ANTXR1: variants seen among roughly 807,000 people sequenced by gnomAD.
ANTXR1 encodes anthrax toxin receptor 1.
ANTXR1 carries 19 observed loss-of-function variants against 78.1 expected under a neutral mutation model. That is an observed-to-expected ratio of 0.24 (90% confidence interval 0.17 to 0.36). The LOEUF is 0.36. Ranked by LOEUF, ANTXR1 falls within the 10% of genes least tolerant of loss-of-function variation. The pLI is 1.00. For missense variants in ANTXR1, 518 were observed against 718.6 expected, an observed-to-expected ratio of 0.72 and a Z score of 3.19; for synonymous variants, 273 against 260.5, an observed-to-expected ratio of 1.05 and a Z score of -0.46.
In ANTXR1 at chr2:69,116,770, C is replaced by T. The variant is rs920965990; in HGVS notation, c.803-6247C>T. 1.3e-5 allele frequency among the ~76,000 whole-genome samples: 2 copies of T among 152,294 alleles called. 1 individual carries two copies. The highest frequency in any genetic ancestry group is 6.8e-3 in the Middle Eastern group (2 of 294). Reference sequence around the variant, plus strand: ...TAAGACTAGGGATTATTTTTCTCTTCCTATTTGCCAGAAATAAATATTTAT... The same window carrying T: ...TAAGACTAGGGATTATTTTTCTCTTTCTATTTGCCAGAAATAAATATTTAT... On this transcript the variant is annotated intron_variant, in intron 10 of 17. Transcript: ENST00000303714.
chr2:69,190,699 G>A (rs1251266330), intron 16 of ANTXR1, among the ~76,000 whole-genome samples: 2 of 152,194 alleles, frequency 1.3e-5, no homozygotes, highest in African/African-American at 4.8e-5. Flanking sequence ...ACTGGGGCAG[G>A]CTGGCTTCAG....
At chr2:69,219,557 T>C (rs1338029307) in intron 17 of ANTXR1, among the ~76,000 whole-genome samples, 1 of 152,198 alleles carries the variant, frequency 6.6e-6, no homozygotes, top group Non-Finnish European at 1.5e-5. Flanking sequence ...TCTTACTGAG[T>C]TGTATTGAGT....
At chr2:69,092,383 T>C (rs1229828209) in intron 9 of ANTXR1, among the ~76,000 whole-genome samples, 3 of 152,226 alleles carry the variant, frequency 2.0e-5, no homozygotes, top group Non-Finnish European at 4.4e-5. Context: ...CAAGTATATA[T>C]GTAAAGATAT....
chr2:69,242,750 C>A (rs1047840921), intron 17 of ANTXR1, among the ~76,000 whole-genome samples: 1 of 152,172 alleles, frequency 6.6e-6, no homozygotes, highest in Non-Finnish European at 1.5e-5. Flanking sequence ...TCTAAATTGT[C>A]GTCATGGGAA....
At chr2:69,045,396 G>A (rs1669733803) in intron 3 of ANTXR1, among the ~76,000 whole-genome samples, 3 of 152,178 alleles carry the variant, frequency 2.0e-5, no homozygotes, top group Admixed American at 2.0e-4. Context: ...ATGAAAACTA[G>A]CAATAACAGA....
chr2:69,224,231 G>A (rs1365638599), intron 17 of ANTXR1, among the ~76,000 whole-genome samples: 6 of 152,152 alleles, frequency 3.9e-5, no homozygotes, highest in Non-Finnish European at 5.9e-5. Context: ...CTCATCAATC[G>A]TCAGATTGTG....
chr2:69,025,097 G>A (rs1671303107), intron 1 of ANTXR1, among the ~76,000 whole-genome samples: 1 of 151,914 alleles, frequency 6.6e-6, no homozygotes, highest in South Asian at 2.1e-4. Flanking sequence ...ACTAACCCAT[G>A]CCCTCTCTTG....
At chr2:69,129,908 T>A (rs1263876532) in intron 12 of ANTXR1, among the ~76,000 whole-genome samples, 1 of 152,146 alleles carries the variant, frequency 6.6e-6, no homozygotes, top group African/African-American at 2.4e-5. Context: ...TGAAACGTAG[T>A]AATTACAGGT....
At chr2:69,071,331 C>T (rs1229042999) in intron 4 of ANTXR1, among the ~76,000 whole-genome samples, 3 of 152,190 alleles carry the variant, frequency 2.0e-5, no homozygotes, top group African/African-American at 4.8e-5. Context: ...GCCTATTGCT[C>T]CTAGGCTATA....
chr2:69,047,641 G>C (rs558581411), intron 3 of ANTXR1, among the ~76,000 whole-genome samples: 46 of 152,054 alleles, frequency 3.0e-4, no homozygotes, highest in South Asian at 2.1e-3. Flanking sequence ...ACTTGAGTTG[G>C]GGGGGGAAAT....
At chr2:69,123,507 C>T (rs1310079845) in intron 11 of ANTXR1, among the ~76,000 whole-genome samples, 1 of 152,216 alleles carries the variant, frequency 6.6e-6, no homozygotes, top group East Asian at 1.9e-4. Context: ...TTATCTCCTC[C>T]TTAGAGAAAG....
At chr2:69,072,418 T>C (rs577345794) in intron 5 of ANTXR1, among the ~76,000 whole-genome samples, 201 of 152,324 alleles carry the variant, frequency 1.3e-3, no homozygotes, top group Non-Finnish European at 2.3e-3. Flanking sequence ...ATTTCTTGTT[T>C]CATCCTAAAC....
rs201031541 is a variant in ANTXR1, at chr2:69,032,380, AC to A, written c.153-7657del. On this transcript the variant is annotated intron_variant, in intron 1 of 17. Coordinates refer to ENST00000303714, the MANE Select transcript of ANTXR1 (RefSeq NM_032208.3). Reference sequence around the variant, plus strand: ...GTTTGTCTTTCCCTCCTCTCTACCCACCCCCCCAAAATTTCCAACAATGGAC... The same window carrying A: ...GTTTGTCTTTCCCTCCTCTCTACCCACCCCCCAAAATTTCCAACAATGGAC... Among the ~76,000 whole-genome samples, 1,269 of 149,992 alleles carry A rather than the reference AC, an allele frequency of 8.5e-3. 5 individuals carry two copies. The highest frequency in any genetic ancestry group is 0.012 in the Non-Finnish European group (818 of 67,426).
intron 17 of ANTXR1, among the ~76,000 whole-genome samples, chr2:69,209,015 G>A (rs1262142830): frequency 1.3e-5 from 2 of 152,126 alleles, no homozygotes; most frequent in South Asian, 4.1e-4. Flanking sequence ...TGATCCTCCT[G>A]CCTCAGCCTC....
chr2:69,023,148 G>C (rs142034744), intron 1 of ANTXR1, among the ~76,000 whole-genome samples: 1 of 152,170 alleles, frequency 6.6e-6, no homozygotes, highest in Admixed American at 6.5e-5. Flanking sequence ...TAGCCTCTCC[G>C]AACTTCAGTA....
intron 9 of ANTXR1, among the ~76,000 whole-genome samples, chr2:69,094,206 C>A (rs911715173): frequency 1.3e-5 from 2 of 152,136 alleles, no homozygotes; most frequent in Non-Finnish European, 2.9e-5. Context: ...TAAGTATTTA[C>A]GTGAAAGTGC....
chr2:69,103,029 A>C, intron 10 of ANTXR1, 89 bp downstream of exon 10: 1 of 1,268,818 alleles, frequency 7.9e-7, no homozygotes, highest in Non-Finnish European at 1.2e-6. Context: ...GGCCACACAC[A>C]TGAAACCAGC....
chr2:69,245,520 C>T lies in ANTXR1; in HGVS notation c.*35C>T, dbSNP rs1390037444. The T allele has an allele frequency of 6.2e-7, 1 of 1,611,964 alleles. No homozygotes were observed. The highest frequency in any genetic ancestry group is 8.5e-7 in the Non-Finnish European group (1 of 1,179,362). ...TTCCTGCTCTGGGCTCTCTCAGAAACTTCAGGAGATGTTAGAACAAGTCTT... is the reference window on the plus strand; with the variant it reads ...TTCCTGCTCTGGGCTCTCTCAGAAATTTCAGGAGATGTTAGAACAAGTCTT... On this transcript the variant is annotated 3_prime_UTR_variant, in exon 18 of 18. Transcript: ENST00000303714.
chr2:69,158,677 G>C (rs1673594561), intron 13 of ANTXR1, among the ~76,000 whole-genome samples: 1 of 152,190 alleles, frequency 6.6e-6, no homozygotes, highest in South Asian at 2.1e-4. Context: ...AATTACATGA[G>C]ATAGTCAATA....
Sources: allele counts gnomAD v4.1 joint callset (sites outside exome capture counted in the v4.1 genomes callset), GRCh38; gene constraint gnomAD v4.1.1; transcripts MANE v1.5; gene names NCBI Gene and HGNC (gene_info 2026-07-23, HGNC 2026-07-21).